COL11A1: variants seen among roughly 807,000 people sequenced by gnomAD.
COL11A1 encodes the protein collagen alpha-1(XI) chain.
In COL11A1, 74 loss-of-function variants were observed where a neutral mutation model predicts 265.2. That is an observed-to-expected ratio of 0.28 (90% confidence interval 0.23 to 0.34). COL11A1 has a LOEUF of 0.34. Ranked by LOEUF, COL11A1 falls within the 10% of genes least tolerant of loss-of-function variation. COL11A1 has a pLI of 1.00. For missense variants in COL11A1, 2,165 were observed against 2,263.6 expected (o/e 0.96, Z 0.88); for synonymous variants, 816 against 727.6 (o/e 1.12, Z -1.96).
At chr1:102,916,158 T>A (rs1450948185) in intron 49 of COL11A1, among the ~76,000 whole-genome samples, 4 of 152,206 alleles carry the variant, frequency 2.6e-5, no homozygotes, top group Non-Finnish European at 4.4e-5. Context: ...TTAGTAGGAA[T>A]CTAAAGAACT....
chr1:103,081,744 A>G lies in COL11A1; in HGVS notation c.274+1061T>C, dbSNP rs58623105. 4.5e-3 allele frequency among the ~76,000 whole-genome samples: 691 copies of G among 152,074 alleles called. 1 individual carries two copies. Among genetic ancestry groups the G allele is most frequent in the African/African-American group, 0.016 (649 of 41,538 alleles). The stretch of plus-strand genomic sequence containing the variant: ...AAGATAGGAAACTCAAATTTCCTCA[A>G]GCAGAGATAATATAGGATAATATGA... On this transcript the variant is annotated intron_variant, in intron 2 of 66. Transcript: ENST00000370096.
chr1:103,068,673 T>G (rs1477583624), intron 4 of COL11A1, among the ~76,000 whole-genome samples: 2 of 151,430 alleles, frequency 1.3e-5, no homozygotes, highest in Non-Finnish European at 3.0e-5. Flanking sequence ...GTCCCTACTT[T>G]CAGATTATAT....
chr1:102,995,439 T>C (rs2101790279), intron 28 of COL11A1, among the ~76,000 whole-genome samples: 1 of 152,242 alleles, frequency 6.6e-6, no homozygotes, highest in East Asian at 1.9e-4. Flanking sequence ...TTAGTGTACT[T>C]CTAACTTTCC....
rs1665280124 is a variant in COL11A1, at chr1:103,003,129, GCT to G, written c.1998+84_1998+85del. ...AACATAACAAGGCAATAAACTCTTG[GCT>G]CTCTACTGAGGGCTTTTATGGCCTC... On this transcript the variant is annotated intron_variant, in intron 21 of 66. Coordinates refer to ENST00000370096, the MANE Select transcript of COL11A1 (RefSeq NM_001854.4). 3 of 1,345,838 alleles carry G rather than the reference GCT, an allele frequency of 2.2e-6. No homozygotes were observed. In the South Asian group the frequency reaches 3.6e-5, roughly 16 times the overall value. The allele number at this position is 1,345,838 out of a possible 1,614,324, so 83.4% of individuals were successfully genotyped here.
At chr1:103,105,983 A>G (rs1366800311) in intron 1 of COL11A1, among the ~76,000 whole-genome samples, 1 of 152,214 alleles carries the variant, frequency 6.6e-6, no homozygotes, top group African/African-American at 2.4e-5. Flanking sequence ...CATTTCATGA[A>G]GAAGAAACCC....
intron 54 of COL11A1, among the ~76,000 whole-genome samples, chr1:102,902,221 C>G (rs944180564): frequency 1.3e-5 from 2 of 152,078 alleles, no homozygotes; most frequent in African/African-American, 2.4e-5. Context: ...AGCTAAGCAT[C>G]TATGCATTTG....
At chr1:103,094,558 C>T (rs1673589254) in intron 1 of COL11A1, among the ~76,000 whole-genome samples, 1 of 152,154 alleles carries the variant, frequency 6.6e-6, no homozygotes, top group East Asian at 1.9e-4. Context: ...CTTCTTCTGC[C>T]TCTGCCATCC....
chr1:102,945,880 A>T (rs1659210792), intron 42 of COL11A1, among the ~76,000 whole-genome samples: 1 of 151,864 alleles, frequency 6.6e-6, no homozygotes, highest in Non-Finnish European at 1.5e-5. Flanking sequence ...ATGCACACGT[A>T]TGTTTATTGC....
In COL11A1 at chr1:103,071,048, A is replaced by G. The variant is rs1167573960; in HGVS notation, c.651+3570T>C. Among the ~76,000 whole-genome samples, 4 of 152,056 alleles carry G rather than the reference A, an allele frequency of 2.6e-5. No individual in the cohort carries two copies. In the East Asian group the frequency reaches 7.7e-4, roughly 29 times the overall value. On this transcript the variant is annotated intron_variant, in intron 4 of 66. Transcript: ENST00000370096. ...AGTTGTTATAAATTATTATTCATTG[A>G]TTTCTCCACAGAAAATTGAATTCAA...
intron 5 of COL11A1, among the ~76,000 whole-genome samples, chr1:103,028,466 G>A (rs2101981403): frequency 6.6e-6 from 1 of 152,236 alleles, no homozygotes; most frequent in South Asian, 2.1e-4. Context: ...GCTACGTAAA[G>A]CCTCATAACA....
At chr1:103,074,404 T>A (rs757540254) in intron 4 of COL11A1, among the ~76,000 whole-genome samples, 5 of 152,074 alleles carry the variant, frequency 3.3e-5, no homozygotes, top group Non-Finnish European at 5.9e-5. Flanking sequence ...TCCCTGTAAA[T>A]GTTTCCCAGG....
intron 8 of COL11A1, among the ~76,000 whole-genome samples, chr1:103,022,319 G>A (rs1288094441): frequency 1.3e-5 from 2 of 151,926 alleles, no homozygotes; most frequent in Non-Finnish European, 2.9e-5. Flanking sequence ...GAGATTGAAC[G>A]ATTGCCTCTT....
At chr1:102,900,454 T>C (rs754396961) in intron 54 of COL11A1, among the ~76,000 whole-genome samples, 1 of 152,106 alleles carries the variant, frequency 6.6e-6, no homozygotes. Flanking sequence ...ATGATTATTA[T>C]TTGGGAAATA....
intron 20 of COL11A1, 102 bp downstream of exon 20, chr1:103,004,342 G>T: frequency 1.2e-6 from 1 of 861,098 alleles, no homozygotes; most frequent in Non-Finnish European, 1.9e-6. Flanking sequence ...AGCTAAGACT[G>T]CAATGTTTAC....
At chr1:102,910,585 T>C (rs1654539433) in intron 54 of COL11A1, among the ~76,000 whole-genome samples, 1 of 152,198 alleles carries the variant, frequency 6.6e-6, no homozygotes, top group South Asian at 2.1e-4. Context: ...TCATACTTTA[T>C]ACTTGTATGA....
chr1:103,028,554 T>C (rs1399368949), intron 5 of COL11A1, among the ~76,000 whole-genome samples: 2 of 152,180 alleles, frequency 1.3e-5, no homozygotes, highest in African/African-American at 4.8e-5. Flanking sequence ...AAAGAACTAG[T>C]TATAATCAAT....
chr1:102,950,273 A>G (rs1025705198), intron 41 of COL11A1, among the ~76,000 whole-genome samples: 1 of 152,024 alleles, frequency 6.6e-6, no homozygotes, highest in African/African-American at 2.4e-5. Context: ...ACAGAGCAGG[A>G]CTCTGTCTCG....
chr1:102,894,769 T>A (rs1425420743), intron 57 of COL11A1, among the ~76,000 whole-genome samples: 1 of 152,170 alleles, frequency 6.6e-6, no homozygotes, highest in Non-Finnish European at 1.5e-5. Context: ...AGCTTCCATA[T>A]GTGCTATTTA....
At position 103,002,465 on chromosome 1, in the gene COL11A1, G is replaced by A. The variant is rs750436769; in HGVS notation, c.2060C>T (p.Pro687Leu). 3.1e-6 allele frequency: 5 copies of A among 1,609,884 alleles called. No individual in the cohort carries two copies. In the Admixed American group the frequency reaches 5.0e-5, roughly 16 times the overall value. ...PKGNMGPQGEPGPPGQQGNPG... is the reference protein window; with the variant it reads ...PKGNMGPQGELGPPGQQGNPG... Reference sequence around the variant, plus strand: ...ATTCCCTTGTTGACCTGGAGGCCCAGGCTCCCCTTGGGGACCCTGCCAGAG... The same window carrying A: ...ATTCCCTTGTTGACCTGGAGGCCCAAGCTCCCCTTGGGGACCCTGCCAGAG... The change falls in exon 23 of 67, where the codon CCT (proline) becomes CTT (leucine). Residue 687 changes from proline to leucine, a missense_variant. Pro to Leu is a moderately conservative substitution (Grantham distance 98). Coordinates refer to ENST00000370096, the MANE Select transcript of COL11A1 (RefSeq NM_001854.4).
Sources: gnomAD v4.1 joint callset for allele counts (sites outside exome capture counted in the v4.1 genomes callset) on GRCh38, gnomAD v4.1.1 for gene constraint, MANE v1.5 for transcripts, NCBI Gene and HGNC (gene_info 2026-07-23, HGNC 2026-07-21) for gene names.